Variants in ST3GAL3 observed in about 807,000 individuals in gnomAD.
ST3GAL3 encodes ST3 beta-galactoside alpha-2,3-sialyltransferase 3.
ST3GAL3 carries 21 observed loss-of-function variants against 50.1 expected under a neutral mutation model. The ratio of observed to expected loss-of-function variants is 0.42; its 90% confidence interval spans 0.30 to 0.60. ST3GAL3 has a LOEUF of 0.60. ST3GAL3 is among the 20% of genes least tolerant of loss of function. The pLI is 0.19. For synonymous variants in ST3GAL3, 183 were observed against 190.0 expected, an observed-to-expected ratio of 0.96 and a Z score of 0.30; for missense variants, 353 against 489.4, an observed-to-expected ratio of 0.72 and a Z score of 2.63.
chr1:43,733,597 T>G (rs1203205711), intron 1 of ST3GAL3, among the ~76,000 whole-genome samples: 1 of 152,208 alleles, frequency 6.6e-6, no homozygotes, highest in African/African-American at 2.4e-5. Context: ...CCTATCTACC[T>G]TAGTAATTAT....
intron 9 of ST3GAL3, among the ~76,000 whole-genome samples, chr1:43,907,606 T>A (rs997382985): frequency 6.6e-6 from 1 of 152,172 alleles, no homozygotes; most frequent in African/African-American, 2.4e-5. Context: ...CTGCTTCCCA[T>A]CTACAAACTT....
At chr1:43,840,497 A>G (rs2065199835) in intron 5 of ST3GAL3, 1 of 152,012 alleles carries the variant, frequency 6.6e-6, no homozygotes, top group South Asian at 2.1e-4. Context: ...CAAAAGTCCT[A>G]CTGTGGTCCT....
intron 9 of ST3GAL3, among the ~76,000 whole-genome samples, chr1:43,917,593 A>AAT (rs1212785300): frequency 2.1e-5 from 1 of 48,074 alleles, no homozygotes; most frequent in Non-Finnish European, 3.9e-5. Context: ...TATTATATAT[A>AAT]ATATATATAT....
intron 2 of ST3GAL3, chr1:43,771,810 G>A (rs1418987237): frequency 5.1e-6 from 2 of 393,724 alleles, no homozygotes; most frequent in Non-Finnish European, 8.9e-6. Context: ...TGTTATAGTT[G>A]TGATGCTTAT....
intron 4 of ST3GAL3, among the ~76,000 whole-genome samples, chr1:43,828,671 C>A (rs2063139858): frequency 6.6e-6 from 1 of 152,074 alleles, no homozygotes; most frequent in Non-Finnish European, 1.5e-5. Flanking sequence ...CATTATATGT[C>A]ATTAAGGAAA....
chr1:43,917,471 A>C (rs1275476303), intron 9 of ST3GAL3, among the ~76,000 whole-genome samples: 3 of 88,104 alleles, frequency 3.4e-5, no homozygotes, highest in African/African-American at 1.3e-4. Context: ...TATATAATAT[A>C]TAATATATAT....
chr1:43,785,006 G>GT (rs1423663449), intron 2 of ST3GAL3, among the ~76,000 whole-genome samples: 3 of 152,224 alleles, frequency 2.0e-5, no homozygotes, highest in Admixed American at 1.3e-4. Context: ...TAATGATGAT[G>GT]TTTTTTCTCC....
At chr1:43,753,814 G>A (rs1687056641) in intron 2 of ST3GAL3, among the ~76,000 whole-genome samples, 1 of 152,098 alleles carries the variant, frequency 6.6e-6, no homozygotes, top group Admixed American at 6.5e-5. Flanking sequence ...GGATTCATAA[G>A]TGCCCTGGGT....
intron 9 of ST3GAL3, among the ~76,000 whole-genome samples, chr1:43,904,961 C>T (rs2078991818): frequency 1.2e-5 from 1 of 82,008 alleles, no homozygotes; most frequent in African/African-American, 4.7e-5. Context: ...CACTCTTCCT[C>T]CCCTTCCTGC....
chr1:43,917,065 T>A (rs1022187497), intron 9 of ST3GAL3: 3 of 152,114 alleles, frequency 2.0e-5, no homozygotes, highest in African/African-American at 7.2e-5. Flanking sequence ...AATTTTGAGG[T>A]CATAAGATAT....
chr1:43,711,234 A>G (rs1471884012), intron 1 of ST3GAL3, among the ~76,000 whole-genome samples: 1 of 152,042 alleles, frequency 6.6e-6, no homozygotes, highest in African/African-American at 2.4e-5. Flanking sequence ...TGTACAGGAA[A>G]CTCTTCACAG....
chr1:43,767,064 AT>A (rs1693341415), intron 2 of ST3GAL3, among the ~76,000 whole-genome samples: 1 of 152,162 alleles, frequency 6.6e-6, no homozygotes, highest in African/African-American at 2.4e-5. Flanking sequence ...TCGGATTTGC[AT>A]TTTAGAAGGC....
At chr1:43,749,645 A>T (rs1254885081) in intron 2 of ST3GAL3, among the ~76,000 whole-genome samples, 1 of 152,232 alleles carries the variant, frequency 6.6e-6, no homozygotes, top group Admixed American at 6.5e-5. Flanking sequence ...TACAAAAAAA[A>T]TTACAAATGA....
chr1:43,712,726 A>G (rs1665403562), intron 1 of ST3GAL3, among the ~76,000 whole-genome samples: 1 of 152,156 alleles, frequency 6.6e-6, no homozygotes, highest in Admixed American at 6.6e-5. Context: ...CTGGGTGGAT[A>G]TGGGTTTAAA....
chr1:43,775,202 C>T (rs561476862), intron 2 of ST3GAL3, among the ~76,000 whole-genome samples: 1 of 152,048 alleles, frequency 6.6e-6, no homozygotes, highest in East Asian at 1.9e-4. Flanking sequence ...GCCAGAACCT[C>T]CCTATTTTTC....
chr1:43,920,203 C>G (rs971461059), intron 9 of ST3GAL3: 1 of 644,158 alleles, frequency 1.6e-6, no homozygotes, highest in Non-Finnish European at 2.8e-6. Context: ...ACCACACGCT[C>G]TCTTCACCAT....
At chr1:43,720,566 G>A (rs927129445) in intron 1 of ST3GAL3, 1 of 152,226 alleles carries the variant, frequency 6.6e-6, no homozygotes, top group Non-Finnish European at 1.5e-5. Flanking sequence ...AAGGGCAAGA[G>A]AGAGTGAGGG....
intron 1 of ST3GAL3, chr1:43,720,480 G>A (rs955702443): frequency 1.3e-5 from 2 of 152,180 alleles, no homozygotes; most frequent in African/African-American, 4.8e-5. Flanking sequence ...CAGTTTTGGA[G>A]GCTGGGTAGT....
intron 2 of ST3GAL3, among the ~76,000 whole-genome samples, chr1:43,744,258 CTT>C (rs1170419436): frequency 6.7e-6 from 1 of 148,248 alleles, no homozygotes; most frequent in African/African-American, 2.5e-5. Context: ...CAAGCATCTT[CTT>C]TTTTTTTTAG....
Sources: gnomAD v4.1 joint callset for allele counts (sites outside exome capture counted in the v4.1 genomes callset) on GRCh38, gnomAD v4.1.1 for gene constraint, MANE v1.5 for transcripts, NCBI Gene and HGNC (gene_info 2026-07-23, HGNC 2026-07-21) for gene names.